The following PKNOX2 variants were observed in gnomAD, a reference collection of about 807,000 sequenced individuals.
PKNOX2 encodes the protein PBX/knotted 1 homeobox 2, also known as homeobox protein PKNOX2.
Under a neutral mutation model 53.1 loss-of-function variants are expected in PKNOX2, and 14 were observed. The observed-to-expected ratio is 0.26, with a 90% CI of 0.17 to 0.41. The LOEUF (loss-of-function observed/expected upper bound fraction) is 0.41. Ranked by LOEUF, PKNOX2 falls within the 10% of genes least tolerant of loss-of-function variation. The pLI is 1.00. For synonymous variants in PKNOX2, 257 were observed against 242.8 expected (o/e 1.06, Z -0.54); for missense variants, 496 against 602.8 (o/e 0.82, Z 1.85).
chr11:125,429,088 G>A lies in PKNOX2; in HGVS notation c.1013G>A (p.Trp338Ter), dbSNP rs766126073. 6.2e-7 allele frequency: 1 copy of A among 1,609,894 alleles called. No homozygotes were observed. Among genetic ancestry groups the A allele is most frequent in the Non-Finnish European group, 8.5e-7 (1 of 1,176,150 alleles). Reference sequence around the variant, plus strand: ...CTCACCCTCCTGCAAGTAAACAACTGGTGAGTTTGCATCACCTGCATGCAG... The same window carrying A: ...CTCACCCTCCTGCAAGTAAACAACTAGTGAGTTTGCATCACCTGCATGCAG... ...TNLTLLQVNN[W>*]FINARRRILQ... The change falls in exon 11 of 13, where the codon TGG becomes TAG. Residue 338 changes from tryptophan to a stop codon, truncating the protein, a stop_gained and splice_region_variant. Transcript: ENST00000298282. LOFTEE classifies it high-confidence loss of function.
At chr11:125,314,305 G>A (rs566831539) in intron 2 of PKNOX2, among the ~76,000 whole-genome samples, 66 of 152,244 alleles carry the variant, frequency 4.3e-4, no homozygotes, top group African/African-American at 1.5e-3. Flanking sequence ...TCACTTGCTC[G>A]CAACGTCACC....
chr11:125,281,187 G>A (rs1217082148), intron 2 of PKNOX2, among the ~76,000 whole-genome samples: 1 of 152,212 alleles, frequency 6.6e-6, no homozygotes, highest in African/African-American at 2.4e-5. Context: ...AGAGCTCGTG[G>A]CCAGCACCAG....
chr11:125,345,897 T>C (rs1950943849), intron 3 of PKNOX2, among the ~76,000 whole-genome samples: 1 of 152,168 alleles, frequency 6.6e-6, no homozygotes, highest in African/African-American at 2.4e-5. Flanking sequence ...GGTTATATTA[T>C]ATAATGCAAT....
intron 2 of PKNOX2, among the ~76,000 whole-genome samples, chr11:125,283,088 G>T (rs957201399): frequency 1.3e-5 from 2 of 152,034 alleles, no homozygotes; most frequent in African/African-American, 4.8e-5. Flanking sequence ...AGAGGCTGAG[G>T]TTGCCATGAA....
intron 3 of PKNOX2, among the ~76,000 whole-genome samples, chr11:125,335,196 T>C (rs776975730): frequency 1.2e-4 from 19 of 152,138 alleles, no homozygotes; most frequent in Admixed American, 9.8e-4. Flanking sequence ...CCGTCTGCAT[T>C]CTGAGCAGCT....
At chr11:125,213,414 T>C (rs112215503) in intron 1 of PKNOX2, among the ~76,000 whole-genome samples, 1,978 of 152,222 alleles carry the variant, frequency 0.013, 43 homozygotes, top group African/African-American at 0.045. Context: ...GAAAAATGCT[T>C]TGTAAACTGT....
chr11:125,223,870 G>A (rs1941443012), intron 1 of PKNOX2, among the ~76,000 whole-genome samples: 1 of 152,198 alleles, frequency 6.6e-6, no homozygotes, highest in Non-Finnish European at 1.5e-5. Flanking sequence ...AAGGCCACAA[G>A]GGTTGGTAAA....
intron 2 of PKNOX2, among the ~76,000 whole-genome samples, chr11:125,235,847 G>T (rs1174795662): frequency 6.6e-6 from 1 of 152,194 alleles, no homozygotes; most frequent in African/African-American, 2.4e-5. Context: ...CAGCAAGGCT[G>T]TGAGCTCCTG....
At chr11:125,411,987 G>A (rs1314077774) in intron 10 of PKNOX2, 122 bp downstream of exon 10, 9 of 1,474,736 alleles carry the variant, frequency 6.1e-6, no homozygotes, top group Non-Finnish European at 8.3e-6. Flanking sequence ...CTCGGGGAGA[G>A]CTCTCTGATA....
chr11:125,218,534 AG>A (rs1479353893), intron 1 of PKNOX2, among the ~76,000 whole-genome samples: 2 of 152,172 alleles, frequency 1.3e-5, no homozygotes, highest in East Asian at 3.9e-4. Flanking sequence ...GCTGAGCAAA[AG>A]CACGGAGGTG....
At chr11:125,350,267 T>C (rs1951222918) in intron 3 of PKNOX2, among the ~76,000 whole-genome samples, 1 of 152,176 alleles carries the variant, frequency 6.6e-6, no homozygotes, top group Non-Finnish European at 1.5e-5. Context: ...TCTCCACTTA[T>C]GGCACCACAT....
intron 4 of PKNOX2, among the ~76,000 whole-genome samples, chr11:125,356,738 G>A (rs1055085762): frequency 1.8e-4 from 27 of 152,350 alleles, no homozygotes; most frequent in African/African-American, 6.3e-4. Flanking sequence ...CTCCAGGTGG[G>A]GCCAGGGGAG....
chr11:125,175,852 G>T (rs140058476), intron 1 of PKNOX2, among the ~76,000 whole-genome samples: 29 of 152,322 alleles, frequency 1.9e-4, no homozygotes, highest in African/African-American at 6.7e-4. Flanking sequence ...ATGTGGATGT[G>T]TTATACATGT....
At chr11:125,264,807 G>A (rs778553222) in intron 2 of PKNOX2, among the ~76,000 whole-genome samples, 1 of 152,120 alleles carries the variant, frequency 6.6e-6, no homozygotes, top group Admixed American at 6.5e-5. Context: ...CCCTAGGGAT[G>A]TGGGGGACTC....
At chr11:125,308,272 GC>G (rs1565493273) in intron 2 of PKNOX2, among the ~76,000 whole-genome samples, 1 of 152,162 alleles carries the variant, frequency 6.6e-6, no homozygotes, top group Non-Finnish European at 1.5e-5. Flanking sequence ...TGTGGGCTGG[GC>G]CTGGCCAGCC....
chr11:125,411,468 C>G (rs1955513748), intron 9 of PKNOX2: 3 of 237,856 alleles, frequency 1.3e-5, no homozygotes, highest in Non-Finnish European at 2.5e-5. Flanking sequence ...GTCTTTCTCT[C>G]TCTCTCTCTC....
At chr11:125,403,533 T>G (rs536214866) in intron 7 of PKNOX2, among the ~76,000 whole-genome samples, 1 of 152,204 alleles carries the variant, frequency 6.6e-6, no homozygotes, top group African/African-American at 2.4e-5. Context: ...AAGGTACACA[T>G]GATTTTCTCC....
intron 2 of PKNOX2, among the ~76,000 whole-genome samples, chr11:125,257,286 G>C (rs747407450): frequency 1.2e-4 from 19 of 152,174 alleles, no homozygotes; most frequent in Non-Finnish European, 2.5e-4. Flanking sequence ...GCTTGTCGGA[G>C]GTAGGGGAGA....
chr11:125,363,085 C>T (rs763086119), intron 4 of PKNOX2, among the ~76,000 whole-genome samples: 3 of 152,172 alleles, frequency 2.0e-5, no homozygotes, highest in African/African-American at 4.8e-5. Flanking sequence ...ACGAGAGGGA[C>T]GTGCATGGAG....
Sources: gnomAD v4.1 joint callset for allele counts (sites outside exome capture counted in the v4.1 genomes callset) on GRCh38, gnomAD v4.1.1 for gene constraint, MANE v1.5 for transcripts, NCBI Gene and HGNC (gene_info 2026-07-23, HGNC 2026-07-21) for gene names.